The following EPN1 variants were observed in gnomAD, a reference collection of about 807,000 sequenced individuals.
EPN1 encodes the protein epsin-1.
A neutral mutation model predicts 56.9 loss-of-function variants in EPN1; 25 were observed. The observed-to-expected ratio is 0.44, with a 90% CI of 0.32 to 0.61. EPN1 has a LOEUF of 0.61. EPN1 is among the 20% of genes least tolerant of loss of function. The pLI is 0.05. For synonymous variants in EPN1, 411 were observed against 361.8 expected, an observed-to-expected ratio of 1.14 and a Z score of -1.54; for missense variants, 785 against 823.7, an observed-to-expected ratio of 0.95 and a Z score of 0.58.
chr19:55,686,369 GC>G (rs1278684938), intron 3 of EPN1, among the ~76,000 whole-genome samples: 1 of 152,194 alleles, frequency 6.6e-6, no homozygotes, highest in Non-Finnish European at 1.5e-5. Context: ...GAGAATGTCT[GC>G]CAGGCTCTTC....
In EPN1 at chr19:55,696,850, TTC is replaced by T. The variant is rs1986930368; in HGVS notation, c.*1496_*1497del. ...GGGTGATGTGAGGTTGGGGTTCTGT[TTC>T]TTGCTGTGAATTGGGTCATGACCTG... is the stretch of plus-strand genomic sequence containing the variant. On this transcript the variant is annotated 3_prime_UTR_variant, in exon 11 of 11. Transcript: ENST00000270460. 1 of 152,522 alleles carries T rather than the reference TTC, an allele frequency of 6.6e-6. No homozygotes were observed. The highest frequency in any genetic ancestry group is 2.4e-5 in the African/African-American group (1 of 41,468). 9.4% of individuals were successfully genotyped at this position (152,522 alleles called of 1,614,324 possible). A position where few individuals can be genotyped will look rare whatever the true frequency, so the allele number is the denominator to read the frequency against.
At chr19:55,680,158 C>G (rs957653189) in intron 2 of EPN1, among the ~76,000 whole-genome samples, 2 of 152,108 alleles carry the variant, frequency 1.3e-5, no homozygotes, top group African/African-American at 4.8e-5. Context: ...CAGTGCCAGG[C>G]GGGGCTTGGG....
Position 55,709,140 on chromosome 19 carries a change from T to C in EPN1, c.*13784T>C. On this transcript the variant is annotated 3_prime_UTR_variant, in exon 11 of 11. Coordinates refer to ENST00000270460, the MANE Select transcript of EPN1 (RefSeq NM_001130072.2). Reference sequence around the variant, plus strand: ...ATGTCTACCTCTCCTCTCCTCTTTATTCTTTCCTAGAAATCACTGGGAGAA... The same window carrying C: ...ATGTCTACCTCTCCTCTCCTCTTTACTCTTTCCTAGAAATCACTGGGAGAA... 1.2e-6 allele frequency: 1 copy of C among 806,714 alleles called. No individual in the cohort carries two copies. Among genetic ancestry groups the C allele is most frequent in the Non-Finnish European group, 1.8e-6 (1 of 543,620 alleles). The allele number at this position is 806,714 out of a possible 1,614,324, so 50.0% of individuals were successfully genotyped here.
Position 55,689,291 on chromosome 19 carries a change from C to T in EPN1, c.604-6C>T, listed in dbSNP as rs2122200716. Reference sequence around the variant, plus strand: ...CGTCATGCCCCTCACACTCTCTCTCCCCCAGCCCCCGTCCTGCGGCCCCGA... The same window carrying T: ...CGTCATGCCCCTCACACTCTCTCTCTCCCAGCCCCCGTCCTGCGGCCCCGA... On this transcript the variant is annotated splice_region_variant and splice_polypyrimidine_tract_variant and intron_variant, in intron 4 of 10. Transcript: ENST00000270460. The surrounding 1 kb of genome is among the most constrained non-coding windows in gnomAD (Gnocchi z 5.7). 6.5e-7 allele frequency: 1 copy of T among 1,548,196 alleles called. No homozygotes were observed. Among genetic ancestry groups the T allele is most frequent in the Non-Finnish European group, 8.7e-7 (1 of 1,143,974 alleles).
chr19:55,689,465 G>A lies in EPN1; in HGVS notation c.678+94G>A, dbSNP rs1023046050. The A allele has an allele frequency of 3.1e-6, 3 of 960,598 alleles. No individual in the cohort carries two copies. The highest frequency in any genetic ancestry group is 4.1e-5 in the Admixed American group (2 of 48,554). 59.5% of individuals were successfully genotyped at this position (960,598 alleles called of 1,614,324 possible). A position where few individuals can be genotyped will look rare whatever the true frequency, so the allele number is the denominator to read the frequency against. ...TAAGTCACCCCCCACCATCCTGCTG[G>A]GCCCGAAGCCCACAGGCTCACGCGT... On this transcript the variant is annotated intron_variant, in intron 5 of 10. Transcript: ENST00000270460. This position sits in a 1 kb window ranked among gnomAD's most constrained non-coding sequence, Gnocchi z 5.7.
At chr19:55,693,131 C>A in intron 9 of EPN1, 94 bp downstream of exon 9, 3 of 1,269,844 alleles carry the variant, frequency 2.4e-6, no homozygotes, top group South Asian at 1.3e-5. Context: ...CCACTCCAGG[C>A]AGGGCCGGCT....
chr19:55,694,993 G>A lies in EPN1; in HGVS notation c.1522+10G>A. 7 of 1,558,074 alleles carry A rather than the reference G, an allele frequency of 4.5e-6. No homozygotes were observed. The highest frequency in any genetic ancestry group is 6.1e-6 in the Non-Finnish European group (7 of 1,152,864). On this transcript the variant is annotated intron_variant, in intron 10 of 10. Coordinates refer to ENST00000270460, the MANE Select transcript of EPN1 (RefSeq NM_001130072.2). This position sits in a 1 kb window ranked among gnomAD's most constrained non-coding sequence, Gnocchi z 4.2. Reference sequence around the variant, plus strand: ...CCCTTCCTGCCAGGCGGTGAGTGTGGGCCCATCACCTGCTCAAGTCCTTCC... The same window carrying A: ...CCCTTCCTGCCAGGCGGTGAGTGTGAGCCCATCACCTGCTCAAGTCCTTCC...
rs1987556077 is a variant in EPN1 at position 55,708,790 on chromosome 19, A to T, written c.*13434A>T. ...AATCATATTGCTAGAACACTTAGGG[A>T]GTACCTCTGAAATCACAGCCCTGCT... On this transcript the variant is annotated 3_prime_UTR_variant, in exon 11 of 11. Transcript: ENST00000270460. The T allele has an allele frequency of 6.3e-6, 4 of 633,836 alleles. No homozygotes were observed. The highest frequency in any genetic ancestry group is 1.1e-5 in the Non-Finnish European group (4 of 373,488). 39.3% of individuals were successfully genotyped at this position (633,836 alleles called of 1,614,324 possible).
rs1338491700 is a variant in EPN1, at chr19:55,703,970, C to T, written c.*8614C>T. Reference sequence around the variant, plus strand: ...CTGGGATCCCGTGCGCGCTTGTGCTCCTTCCTTCTGGGCCAGCGCGCAGAC... The same window carrying T: ...CTGGGATCCCGTGCGCGCTTGTGCTTCTTCCTTCTGGGCCAGCGCGCAGAC... On this transcript the variant is annotated 3_prime_UTR_variant, in exon 11 of 11. Coordinates refer to ENST00000270460, the MANE Select transcript of EPN1 (RefSeq NM_001130072.2). 2.7e-5 allele frequency: 4 copies of T among 147,248 alleles called. No individual in the cohort carries two copies. The highest frequency in any genetic ancestry group is 7.3e-5 in the African/African-American group (3 of 41,144). 9.1% of individuals were successfully genotyped at this position (147,248 alleles called of 1,614,324 possible). A position where few individuals can be genotyped will look rare whatever the true frequency, so the allele number is the denominator to read the frequency against.
intron 2 of EPN1, among the ~76,000 whole-genome samples, chr19:55,682,012 C>T (rs1985849921): frequency 6.6e-6 from 1 of 152,234 alleles, no homozygotes; most frequent in South Asian, 2.1e-4. Flanking sequence ...CACTGTGTTG[C>T]CCAGGCTGGT....
In EPN1 at chr19:55,703,200, G is replaced by C. The variant is rs112883517; in HGVS notation, c.*7844G>C. 2 of 152,380 alleles carry C rather than the reference G, an allele frequency of 1.3e-5. No individual in the cohort carries two copies. The highest frequency in any genetic ancestry group is 4.8e-5 in the African/African-American group (2 of 41,438). The allele number at this position is 152,380 out of a possible 1,614,324, so 9.4% of individuals were successfully genotyped here. Reference sequence around the variant, plus strand: ...AAATGGAGGGGAGGGCGTGTGTGTGGCCACGTGTGTTTCTGTCCTGGACAA... The same window carrying C: ...AAATGGAGGGGAGGGCGTGTGTGTGCCCACGTGTGTTTCTGTCCTGGACAA... On this transcript the variant is annotated 3_prime_UTR_variant, in exon 11 of 11. Transcript: ENST00000270460.
At chr19:55,688,015 T>C (rs1447443667) in intron 3 of EPN1, among the ~76,000 whole-genome samples, 1 of 152,140 alleles carries the variant, frequency 6.6e-6, no homozygotes, top group East Asian at 1.9e-4. Context: ...AGGCGGCGTC[T>C]TGGAGCTGGA....
At chr19:55,684,401 G>C (rs937167356) in intron 2 of EPN1, among the ~76,000 whole-genome samples, 1 of 152,108 alleles carries the variant, frequency 6.6e-6, no homozygotes, top group South Asian at 2.1e-4. Context: ...AGGGGGCCAT[G>C]ACTCCTCAAG....
rs557939916 is a variant in EPN1 at position 55,699,584 on chromosome 19, G to A, written c.*4228G>A. On this transcript the variant is annotated 3_prime_UTR_variant, in exon 11 of 11. Coordinates refer to ENST00000270460, the MANE Select transcript of EPN1 (RefSeq NM_001130072.2). ...AAATGTTTTATTAGAGTGCAGCCAC[G>A]GCTGCTTCTGCACTACAGTGGCAAT... 19 of 152,266 alleles carry A rather than the reference G, an allele frequency of 1.2e-4. No individual in the cohort carries two copies. The South Asian group carries it at 2.9e-3, about 23-fold the overall frequency. 9.4% of individuals were successfully genotyped at this position (152,266 alleles called of 1,614,324 possible).
In EPN1 at chr19:55,700,748, A is replaced by C. The variant is rs1442225245; in HGVS notation, c.*5392A>C. ...TAAAAATGGTAATGACATGCTCTCT[A>C]GTAATCGTTGTGTGTTACTGTCAAA... is the stretch of plus-strand genomic sequence containing the variant. On this transcript the variant is annotated 3_prime_UTR_variant, in exon 11 of 11. Coordinates refer to ENST00000270460, the MANE Select transcript of EPN1 (RefSeq NM_001130072.2). 1 of 152,266 alleles carries C rather than the reference A, an allele frequency of 6.6e-6. No individual in the cohort carries two copies. Among genetic ancestry groups the C allele is most frequent in the African/African-American group, 2.4e-5 (1 of 41,448 alleles). The allele number at this position is 152,266 out of a possible 1,614,324, so 9.4% of individuals were successfully genotyped here. A position where few individuals can be genotyped will look rare whatever the true frequency, so the allele number is the denominator to read the frequency against.
chr19:55,675,318 G>GCCCTCCTTGCGTTCGTGCGTGCGC lies in EPN1; in HGVS notation c.-216_-193dup, dbSNP rs2122147460. 6.6e-6 allele frequency: 1 copy of GCCCTCCTTGCGTTCGTGCGTGCGC among 152,006 alleles called. No homozygotes were observed. Among genetic ancestry groups the GCCCTCCTTGCGTTCGTGCGTGCGC allele is most frequent in the East Asian group, 1.9e-4 (1 of 5,130 alleles). The allele number at this position is 152,006 out of a possible 1,614,324, so 9.4% of individuals were successfully genotyped here. On this transcript the variant is annotated 5_prime_UTR_variant, in exon 1 of 11. Coordinates refer to ENST00000270460, the MANE Select transcript of EPN1 (RefSeq NM_001130072.2). ...GGGGCGGCGGAGCCGTCGGCGTGCGGCCCTCCTTGCGTTCGTGCGTGCGCC... is the reference window on the plus strand; with the variant it reads ...GGGGCGGCGGAGCCGTCGGCGTGCGGCCCTCCTTGCGTTCGTGCGTGCGCCCCTCCTTGCGTTCGTGCGTGCGCC...
chr19:55,687,758 C>A (rs1217131630), intron 3 of EPN1, among the ~76,000 whole-genome samples: 3 of 152,212 alleles, frequency 2.0e-5, no homozygotes, highest in African/African-American at 7.2e-5. Flanking sequence ...TCACTCATAA[C>A]CCCAGATGGT....
intron 2 of EPN1, among the ~76,000 whole-genome samples, chr19:55,682,050 C>T (rs773906413): frequency 6.6e-6 from 1 of 152,018 alleles, no homozygotes; most frequent in Non-Finnish European, 1.5e-5. Flanking sequence ...AAGCGATCCT[C>T]TTGCCTTGGC....
chr19:55,690,640 C>T (rs557105524), intron 6 of EPN1, among the ~76,000 whole-genome samples: 2 of 152,294 alleles, frequency 1.3e-5, no homozygotes, highest in African/African-American at 4.8e-5. Context: ...AGCACAGTAG[C>T]TGCTGCTGCT....
Sources: gnomAD v4.1 joint callset for allele counts (sites outside exome capture counted in the v4.1 genomes callset) on GRCh38, gnomAD v4.1.1 for gene constraint, Gnocchi (gnomAD v3.1) non-coding constraint, MANE v1.5 for transcripts, NCBI Gene and HGNC (gene_info 2026-07-23, HGNC 2026-07-21) for gene names.